Variants in MAN2B2 observed in about 807,000 individuals in gnomAD.
The protein encoded by MAN2B2 is epididymis-specific alpha-mannosidase.
A neutral mutation model predicts 117.1 loss-of-function variants in MAN2B2; 106 were observed. The observed-to-expected ratio is 0.90, with a 90% CI of 0.77 to 1.06. MAN2B2 has a LOEUF of 1.06. Ranked by LOEUF, MAN2B2 falls within the 50% of genes least tolerant of loss-of-function variation. The pLI, the probability that MAN2B2 is intolerant of heterozygous loss-of-function variation, is 0.00. For synonymous variants in MAN2B2, 544 were observed against 595.1 expected, an observed-to-expected ratio of 0.91 and a Z score of 1.25; for missense variants, 1,326 against 1,381.4, an observed-to-expected ratio of 0.96 and a Z score of 0.64.
intron 7 of MAN2B2, 103 bp downstream of exon 7, chr4:6,594,835 C>A: frequency 1.6e-6 from 2 of 1,234,294 alleles, no homozygotes; most frequent in Non-Finnish European, 2.3e-6. Flanking sequence ...CTCTCCAAGC[C>A]CTGGAGGGGT....
chr4:6,621,385 G>T lies in MAN2B2; in HGVS notation c.*100G>T. ...AAGCAGTGCGGAGGGATGGGACTGG[G>T]GAGTCAGCTGCTCATCTGCAGGCTA... is the stretch of plus-strand genomic sequence containing the variant. On this transcript the variant is annotated 3_prime_UTR_variant, in exon 19 of 19. Coordinates refer to ENST00000285599, the MANE Select transcript of MAN2B2 (RefSeq NM_015274.3). The T allele has an allele frequency of 1.1e-6, 1 of 887,418 alleles. No individual in the cohort carries two copies. Among genetic ancestry groups the T allele is most frequent in the Non-Finnish European group, 1.7e-6 (1 of 588,892 alleles). 55.0% of individuals were successfully genotyped at this position (887,418 alleles called of 1,614,324 possible).
Position 6,621,311 on chromosome 4 carries a change from G to A in MAN2B2, c.*26G>A, listed in dbSNP as rs762562999. Reference sequence around the variant, plus strand: ...GCCCTGGGCAGATGCCCCGGCCCCAGGGCTTCCCCCAGGAACTCCATGTAA... The same window carrying A: ...GCCCTGGGCAGATGCCCCGGCCCCAAGGCTTCCCCCAGGAACTCCATGTAA... On this transcript the variant is annotated 3_prime_UTR_variant, in exon 19 of 19. Coordinates refer to ENST00000285599, the MANE Select transcript of MAN2B2 (RefSeq NM_015274.3). 6.3e-7 allele frequency: 1 copy of A among 1,589,858 alleles called. No homozygotes were observed. Among genetic ancestry groups the A allele is most frequent in the Non-Finnish European group, 8.6e-7 (1 of 1,159,020 alleles).
chr4:6,601,208 G>T (rs1727315659), intron 10 of MAN2B2, among the ~76,000 whole-genome samples: 1 of 152,174 alleles, frequency 6.6e-6, no homozygotes, highest in Admixed American at 6.5e-5. Context: ...AGTTTTGTTA[G>T]AAAAGTTACA....
Position 6,587,132 on chromosome 4 carries a change from C to A in MAN2B2, c.528C>A (p.Ile176=). The part of the protein sequence containing the change: ...AGFNAHLGSR[I]DYDLKAAMQE... ...TCAATGCCCACCTCGGCTCCCGGAT[C>A]GACTACGACCTGAAGGCAGCCATGC... Residue 176 remains isoleucine (I), a synonymous_variant, in exon 4 of 19, where the codon ATC becomes ATA. Coordinates refer to ENST00000285599, the MANE Select transcript of MAN2B2 (RefSeq NM_015274.3). 1 of 1,613,660 alleles carries A rather than the reference C, an allele frequency of 6.2e-7. No homozygotes were observed. The highest frequency in any genetic ancestry group is 8.5e-7 in the Non-Finnish European group (1 of 1,179,932).
At chr4:6,603,939 AC>A (rs1273334907) in intron 10 of MAN2B2, among the ~76,000 whole-genome samples, 1 of 152,180 alleles carries the variant, frequency 6.6e-6, no homozygotes, top group African/African-American at 2.4e-5. Flanking sequence ...GGGCACAGGA[AC>A]TGAGGGGGCA....
intron 12 of MAN2B2, 173 bp downstream of exon 12, chr4:6,609,471 C>G: frequency 1.4e-6 from 1 of 698,058 alleles, no homozygotes. Flanking sequence ...GCTGCGTTTG[C>G]GTGTGCTGTG....
At chr4:6,603,024 AAAGGCCTCACATGTGGG>A (rs1370868852) in intron 10 of MAN2B2, among the ~76,000 whole-genome samples, 1 of 151,852 alleles carries the variant, frequency 6.6e-6, no homozygotes, top group Non-Finnish European at 1.5e-5. Context: ...TGATCCCTAG[AAAGGCCTCACATGTGGG>A]AAGCTTTCCG....
chr4:6,584,918 C>T (rs777221091), intron 3 of MAN2B2, among the ~76,000 whole-genome samples: 3 of 152,144 alleles, frequency 2.0e-5, no homozygotes. Context: ...ACTTGGCAGC[C>T]TTCAGCCTGC....
At position 6,621,645 on chromosome 4, in the gene MAN2B2, G is replaced by A. The variant is rs537516726; in HGVS notation, c.*360G>A. 1.4e-4 allele frequency: 25 copies of A among 180,732 alleles called. No individual in the cohort carries two copies. Among genetic ancestry groups the A allele is most frequent in the East Asian group, 1.6e-4 (1 of 6,224 alleles). 11.2% of individuals were successfully genotyped at this position (180,732 alleles called of 1,614,324 possible). ...CAGCACCGAAGCGCATCTGCCGTCCGGGCCCTGCCAGGCTTGCCAGGCTGC... is the reference window on the plus strand; with the variant it reads ...CAGCACCGAAGCGCATCTGCCGTCCAGGCCCTGCCAGGCTTGCCAGGCTGC... On this transcript the variant is annotated 3_prime_UTR_variant, in exon 19 of 19. Transcript: ENST00000285599.
rs1311432386 is a variant in MAN2B2 at position 6,622,994 on chromosome 4, TGAG to T, written c.*1711_*1713del. Reference sequence around the variant, plus strand: ...GAGGCATGGATGTGCAGTGGGAGGTTGAGGCACAAGGAGTGAGGCAGGAGCCCT... The same window carrying T: ...GAGGCATGGATGTGCAGTGGGAGGTTGCACAAGGAGTGAGGCAGGAGCCCT... On this transcript the variant is annotated 3_prime_UTR_variant, in exon 19 of 19. Coordinates refer to ENST00000285599, the MANE Select transcript of MAN2B2 (RefSeq NM_015274.3). 8 of 151,936 alleles carry T rather than the reference TGAG, an allele frequency of 5.3e-5. 1 individual carries two copies. Among genetic ancestry groups the T allele is most frequent in the African/African-American group, 2.0e-4 (8 of 40,850 alleles). 9.4% of individuals were successfully genotyped at this position (151,936 alleles called of 1,614,324 possible).
intron 3 of MAN2B2, among the ~76,000 whole-genome samples, chr4:6,583,404 C>G (rs909088554): frequency 2.0e-5 from 3 of 152,078 alleles, no homozygotes; most frequent in African/African-American, 4.8e-5. Context: ...CCTGCTAAAA[C>G]CAAGAAGGAG....
In MAN2B2 at chr4:6,598,188, G is replaced by C; in HGVS notation, c.1249-10G>C. 1 of 1,611,678 alleles carries C rather than the reference G, an allele frequency of 6.2e-7. No individual in the cohort carries two copies. Among genetic ancestry groups the C allele is most frequent in the Non-Finnish European group, 8.5e-7 (1 of 1,178,484 alleles). On this transcript the variant is annotated splice_polypyrimidine_tract_variant and intron_variant, in intron 8 of 18. Transcript: ENST00000285599. ...ATCCTGTTCTTCCTCCCCTCTGGGG[G>C]TTGCTGCAGGTCCAGCACCATGATG...
chr4:6,621,321 C>G lies in MAN2B2; in HGVS notation c.*36C>G. On this transcript the variant is annotated 3_prime_UTR_variant, in exon 19 of 19. Transcript: ENST00000285599. ...GATGCCCCGGCCCCAGGGCTTCCCC[C>G]AGGAACTCCATGTAACAGAACAGAC... 2 of 1,558,436 alleles carry G rather than the reference C, an allele frequency of 1.3e-6. No individual in the cohort carries two copies. The highest frequency in any genetic ancestry group is 1.7e-5 in the Admixed American group (1 of 59,236).
At chr4:6,612,587 G>A (rs1157979487) in intron 15 of MAN2B2, among the ~76,000 whole-genome samples, 2 of 152,230 alleles carry the variant, frequency 1.3e-5, no homozygotes, top group African/African-American at 2.4e-5. Flanking sequence ...CTCCCAGGAC[G>A]GCCATTGAGC....
At chr4:6,593,633 T>C (rs1726949435) in intron 6 of MAN2B2, among the ~76,000 whole-genome samples, 1 of 152,152 alleles carries the variant, frequency 6.6e-6, no homozygotes, top group Admixed American at 6.5e-5. Context: ...CTGCGTGCCT[T>C]AGAGTCCATT....
Position 6,609,665 on chromosome 4 carries a change from T to C in MAN2B2, c.2007-133T>C, listed in dbSNP as rs552039055. 2,573 of 1,154,842 alleles carry C rather than the reference T, an allele frequency of 2.2e-3. 5 individuals are homozygous for C. The highest frequency in any genetic ancestry group is 8.9e-3 in the Middle Eastern group (33 of 3,688). The allele number at this position is 1,154,842 out of a possible 1,614,324, so 71.5% of individuals were successfully genotyped here. ...GTCCTGGGTGGTGCTATTGTCCACA[T>C]GGCCCAAGAAGGCTCCCTGCCTTTC... On this transcript the variant is annotated intron_variant, in intron 12 of 18. Coordinates refer to ENST00000285599, the MANE Select transcript of MAN2B2 (RefSeq NM_015274.3).
rs1399421470 is a variant in MAN2B2 at position 6,621,506 on chromosome 4, A to C, written c.*221A>C. 1.9e-6 allele frequency: 1 copy of C among 521,658 alleles called. No individual in the cohort carries two copies. The highest frequency in any genetic ancestry group is 3.4e-6 in the Non-Finnish European group (1 of 291,852). 32.3% of individuals were successfully genotyped at this position (521,658 alleles called of 1,614,324 possible). A position where few individuals can be genotyped will look rare whatever the true frequency, so the allele number is the denominator to read the frequency against. On this transcript the variant is annotated 3_prime_UTR_variant, in exon 19 of 19. Transcript: ENST00000285599. ...GGTTCTTCCCCCCCACACTCAATCA[A>C]GCCAGCCCTCTCCTCTTCTGTCACG...
At position 6,587,185 on chromosome 4, in the gene MAN2B2, G is replaced by A. The variant is rs566890466; in HGVS notation, c.564+17G>A. 7.7e-5 allele frequency: 123 copies of A among 1,605,676 alleles called. No individual in the cohort carries two copies. The East Asian group carries it at 8.5e-4, about 11-fold the overall frequency. Reference sequence around the variant, plus strand: ...GAGGCCCGGGTGAGTGGTGTGCCGCGTCTGCTGCCGCCCAGCGACCGCTCC... The same window carrying A: ...GAGGCCCGGGTGAGTGGTGTGCCGCATCTGCTGCCGCCCAGCGACCGCTCC... On this transcript the variant is annotated intron_variant, in intron 4 of 18. Coordinates refer to ENST00000285599, the MANE Select transcript of MAN2B2 (RefSeq NM_015274.3).
At chr4:6,597,061 C>A (rs1727123749) in intron 7 of MAN2B2, 52 bp from the exon 8 acceptor site, 3 of 1,536,772 alleles carry the variant, frequency 2.0e-6, no homozygotes, top group Admixed American at 3.6e-5. Context: ...TGGAGCTTAG[C>A]AGACTTCTGG....
Sources: allele counts gnomAD v4.1 joint callset (sites outside exome capture counted in the v4.1 genomes callset), GRCh38; gene constraint gnomAD v4.1.1; transcripts MANE v1.5; gene names NCBI Gene and HGNC (gene_info 2026-07-23, HGNC 2026-07-21).